MEI1: variants seen among roughly 807,000 people sequenced by gnomAD.
MEI1 encodes meiotic double-stranded break formation protein 1, also known as meiosis inhibitor protein 1.
A neutral mutation model predicts 146.2 loss-of-function variants in MEI1; 103 were observed. That is an observed-to-expected ratio of 0.70 (90% CI 0.60 to 0.83). The LOEUF (loss-of-function observed/expected upper bound fraction) is 0.83. Among genes scored for constraint, MEI1 ranks in the 40% least tolerant of loss-of-function variants. The pLI, the probability that MEI1 is intolerant of heterozygous loss-of-function variation, is 0.00. For missense variants in MEI1, 1,529 were observed against 1,533.0 expected, an observed-to-expected ratio of 1.00 and a Z score of 0.04; for synonymous variants, 652 against 628.2, an observed-to-expected ratio of 1.04 and a Z score of -0.57.
chr22:41,791,853 C>A (rs989959107), intron 26 of MEI1, among the ~76,000 whole-genome samples: 1 of 152,106 alleles, frequency 6.6e-6, no homozygotes, highest in African/African-American at 2.4e-5. Context: ...CATGGATGAA[C>A]CTTGAGAACA....
Position 41,776,128 on chromosome 22 carries a change from C to T in MEI1, c.2571C>T (p.Asp857=). 3 of 1,613,966 alleles carry T rather than the reference C, an allele frequency of 1.9e-6. No homozygotes were observed. Among genetic ancestry groups the T allele is most frequent in the Non-Finnish European group, 2.5e-6 (3 of 1,179,846 alleles). Residue 857 remains aspartate (D), a synonymous_variant, in exon 21 of 31, where the codon GAC becomes GAT. Transcript: ENST00000401548. ...LLDLIYSSPV[D]TAHKVLISLR... is the part of the protein sequence containing the mutation. ...ACCTCATCTATTCCAGCCCAGTGGACACAGCTCACAAGGTACTGATTAGCC... is the reference window on the plus strand; with the variant it reads ...ACCTCATCTATTCCAGCCCAGTGGATACAGCTCACAAGGTACTGATTAGCC...
rs6002470 is a variant in MEI1 at position 41,767,263 on chromosome 22, G to A, written c.2269-3423G>A. On this transcript the variant is annotated intron_variant, in intron 19 of 30. Coordinates refer to ENST00000401548, the MANE Select transcript of MEI1 (RefSeq NM_152513.4). ...TGTGAATGCCCTTTATGTAGAAGCA[G>A]GGTAACCTTGTATACATGCATTGTG... Among the ~76,000 whole-genome samples, 177 of 152,288 alleles carry A rather than the reference G, an allele frequency of 1.2e-3. 2 individuals are homozygous for A. The highest frequency in any genetic ancestry group is 4.2e-3 in the African/African-American group (175 of 41,552).
intron 17 of MEI1, among the ~76,000 whole-genome samples, chr22:41,754,798 T>A (rs1436215682): frequency 6.6e-6 from 1 of 152,132 alleles, no homozygotes; most frequent in Non-Finnish European, 1.5e-5. Flanking sequence ...GAGCCAGGGA[T>A]ACAAAGCCCT....
At chr22:41,772,145 T>C (rs2075217722) in intron 20 of MEI1, among the ~76,000 whole-genome samples, 1 of 152,214 alleles carries the variant, frequency 6.6e-6, no homozygotes, top group African/African-American at 2.4e-5. Context: ...CATGTTACTG[T>C]ACTGAATATT....
chr22:41,738,201 T>C lies in MEI1; in HGVS notation c.1332-4879T>C, dbSNP rs2072547675. ...CAGGCACAGTGGCTCATGCCTGTAA[T>C]CCCAGCACTTTGGGAGTCCGAGGTG... On this transcript the variant is annotated intron_variant, in intron 11 of 30. Transcript: ENST00000401548. 2.6e-5 allele frequency among the ~76,000 whole-genome samples: 4 copies of C among 152,260 alleles called. No individual in the cohort carries two copies. In the South Asian group the frequency reaches 6.2e-4, roughly 24 times the overall value.
intron 14 of MEI1, among the ~76,000 whole-genome samples, chr22:41,747,670 C>A (rs977565032): frequency 6.6e-6 from 1 of 151,838 alleles, no homozygotes; most frequent in Non-Finnish European, 1.5e-5. Flanking sequence ...CACCACTGAT[C>A]GCCAGCCTGG....
chr22:41,719,758 C>T (rs995846737), intron 6 of MEI1, among the ~76,000 whole-genome samples: 1 of 152,138 alleles, frequency 6.6e-6, no homozygotes, highest in East Asian at 1.9e-4. Flanking sequence ...ACGTCCTCTC[C>T]TGCTATTTTT....
At chr22:41,791,626 C>T (rs887261151) in intron 26 of MEI1, among the ~76,000 whole-genome samples, 1 of 152,092 alleles carries the variant, frequency 6.6e-6, no homozygotes, top group Non-Finnish European at 1.5e-5. Context: ...ATGAGGGTGG[C>T]TAAAATAAGA....
intron 2 of MEI1, among the ~76,000 whole-genome samples, chr22:41,704,060 C>A (rs375570916): frequency 6.6e-6 from 1 of 152,160 alleles, no homozygotes. Context: ...GTCTGCTGAC[C>A]TAGGTATGAC....
intron 1 of MEI1, among the ~76,000 whole-genome samples, chr22:41,702,754 A>T (rs946331962): frequency 6.8e-5 from 10 of 147,864 alleles, no homozygotes; most frequent in Non-Finnish European, 1.5e-4. Flanking sequence ...CTCTGAACAC[A>T]CTTTTCTTTT....
In MEI1 at chr22:41,714,426, G is replaced by A. The variant is rs548324545; in HGVS notation, c.423+351G>A. ...AATATGTTCTCTATGTCTTGTTTTG[G>A]TGGTTTTATTTAATTTTGAATTGTA... On this transcript the variant is annotated intron_variant, in intron 4 of 30. Coordinates refer to ENST00000401548, the MANE Select transcript of MEI1 (RefSeq NM_152513.4). Among the ~76,000 whole-genome samples, 17 of 152,152 alleles carry A rather than the reference G, an allele frequency of 1.1e-4. 1 individual carries two copies. In the South Asian group the frequency reaches 3.1e-3, roughly 28 times the overall value.
intron 11 of MEI1, among the ~76,000 whole-genome samples, chr22:41,742,306 G>A (rs1046098698): frequency 6.6e-6 from 1 of 152,096 alleles, no homozygotes; most frequent in Non-Finnish European, 1.5e-5. Flanking sequence ...TCCTCGTTGA[G>A]TTAACAAAGT....
rs767287761 is a variant in MEI1 at position 41,745,004 on chromosome 22, C to G, written c.1478C>G (p.Ala493Gly). 9.6e-6 allele frequency: 15 copies of G among 1,563,918 alleles called. No homozygotes were observed. The highest frequency in any genetic ancestry group is 2.7e-5 in the African/African-American group (2 of 73,672). ...GHASSRDSEK[A>G]ILQRGKFLLS... ...GCCTCCAGTAGAGATTCAGAGAAGGCCATTCTTCAAAGGGGAAAGTTCCTC... is the reference window on the plus strand; with the variant it reads ...GCCTCCAGTAGAGATTCAGAGAAGGGCATTCTTCAAAGGGGAAAGTTCCTC... Residue 493 changes from alanine to glycine, a missense_variant, in exon 13 of 31, where the codon GCC becomes GGC. This residue lies in a region of MEI1 where 1,212 missense variants were observed against 1,178.9 expected (regional missense o/e 1.03). Coordinates refer to ENST00000401548, the MANE Select transcript of MEI1 (RefSeq NM_152513.4).
At chr22:41,742,548 ATAAG>A (rs746868537) in intron 11 of MEI1, among the ~76,000 whole-genome samples, 3 of 152,230 alleles carry the variant, frequency 2.0e-5, no homozygotes, top group Non-Finnish European at 4.4e-5. Flanking sequence ...GATCCCCATA[ATAAG>A]TCTATGAGGA....
intron 18 of MEI1, among the ~76,000 whole-genome samples, chr22:41,758,909 A>C (rs2074272922): frequency 6.6e-6 from 1 of 152,026 alleles, no homozygotes; most frequent in South Asian, 2.1e-4. Flanking sequence ...TTGGGAGGCC[A>C]AGGTGGGCTG....
Position 41,746,038 on chromosome 22 carries a change from T to G in MEI1, c.1680+12T>G. 1 of 1,574,170 alleles carries G rather than the reference T, an allele frequency of 6.4e-7. No homozygotes were observed. Among genetic ancestry groups the G allele is most frequent in the Non-Finnish European group, 8.6e-7 (1 of 1,157,056 alleles). On this transcript the variant is annotated intron_variant, in intron 14 of 30. Transcript: ENST00000401548. Reference sequence around the variant, plus strand: ...TCCCCATGGTGATGGTGGGTTCTCCTGAGCCACGGGCAACATGAAGCTTGG... The same window carrying G: ...TCCCCATGGTGATGGTGGGTTCTCCGGAGCCACGGGCAACATGAAGCTTGG...
In MEI1 at chr22:41,758,309, A is replaced by G. The variant is rs916643958; in HGVS notation, c.1952-56A>G. The G allele has an allele frequency of 5.8e-6, 9 of 1,549,202 alleles. No homozygotes were observed. In the African/African-American group the frequency reaches 1.2e-4, roughly 21 times the overall value. On this transcript the variant is annotated intron_variant, in intron 17 of 30. Coordinates refer to ENST00000401548, the MANE Select transcript of MEI1 (RefSeq NM_152513.4). ...GCATGTAGTAGGTACTAATGTGCTG[A>G]TTACCTGTTCTTCTATGTTCTCTGT... is the stretch of plus-strand genomic sequence containing the variant.
Position 41,770,957 on chromosome 22 carries a change from T to C in MEI1, c.2540T>C (p.Leu847Ser), listed in dbSNP as rs1273224939. ...AGCATCCCCAGCATCCTGCTCATCTTGCTGGTAGGCAACCACTCATTCATT... is the reference window on the plus strand; with the variant it reads ...AGCATCCCCAGCATCCTGCTCATCTCGCTGGTAGGCAACCACTCATTCATT... ...LRSIPSILLILLDLIYSSPVD... is the reference protein window; with the variant it reads ...LRSIPSILLISLDLIYSSPVD... Residue 847 changes from leucine to serine, a missense_variant, in exon 20 of 31, where the codon TTG becomes TCG. By Grantham distance (145) the Leu-to-Ser change is moderately radical (BLOSUM62 -2). Coordinates refer to ENST00000401548, the MANE Select transcript of MEI1 (RefSeq NM_152513.4). 3 of 1,612,414 alleles carry C rather than the reference T, an allele frequency of 1.9e-6. No homozygotes were observed. The Admixed American group carries it at 5.0e-5, about 27-fold the overall frequency.
chr22:41,723,539 T>C (rs185345885), intron 6 of MEI1, among the ~76,000 whole-genome samples: 1 of 152,314 alleles, frequency 6.6e-6, no homozygotes, highest in Admixed American at 6.5e-5. Flanking sequence ...TTTGTGTTTG[T>C]TTCTCCTACA....
Sources: gnomAD v4.1 joint callset for allele counts (sites outside exome capture counted in the v4.1 genomes callset) on GRCh38, gnomAD v4.1.1 for gene constraint, gnomAD v4.1.1 regional missense constraint, MANE v1.5 for transcripts, NCBI Gene and HGNC (gene_info 2026-07-23, HGNC 2026-07-21) for gene names.